The following RCL1 variants were observed in gnomAD, a reference collection of about 807,000 sequenced individuals.
The protein encoded by RCL1 is RNA 3'-terminal phosphate cyclase-like protein.
RCL1 carries 24 observed loss-of-function variants against 42.4 expected under a neutral mutation model. The ratio of observed to expected loss-of-function variants is 0.57; its 90% CI spans 0.41 to 0.80. The LOEUF (loss-of-function observed/expected upper bound fraction) is 0.80, where lower values mean the gene tolerates loss of function less well. Among genes scored for constraint, RCL1 ranks in the 30% least tolerant of loss-of-function variants. The pLI is 0.00. For missense variants in RCL1, 578 were observed against 467.9 expected, an observed-to-expected ratio of 1.24 and a Z score of -2.17; for synonymous variants, 228 against 177.3, an observed-to-expected ratio of 1.29 and a Z score of -2.27.
At chr9:4,851,911 C>T (rs1208849633) in intron 8 of RCL1, among the ~76,000 whole-genome samples, 7 of 104,902 alleles carry the variant, frequency 6.7e-5, no homozygotes, top group Non-Finnish European at 1.3e-4. Context: ...GACAGAGTTT[C>T]GCTCTGTCGC....
At chr9:4,802,932 TG>T (rs1226288383) in intron 1 of RCL1, among the ~76,000 whole-genome samples, 1 of 152,200 alleles carries the variant, frequency 6.6e-6, no homozygotes, top group Non-Finnish European at 1.5e-5. Flanking sequence ...GCAATCCTCT[TG>T]CCTCAGCCTC....
chr9:4,827,243 C>T, intron 3 of RCL1: 1 of 1,487,566 alleles, frequency 6.7e-7, no homozygotes. Context: ...TTAACAGTTA[C>T]CAAGGTGCCT....
chr9:4,820,619 T>C lies in RCL1; in HGVS notation c.137-2929T>C, dbSNP rs371557760. Among the ~76,000 whole-genome samples, 9 of 152,196 alleles carry C rather than the reference T, an allele frequency of 5.9e-5. No individual in the cohort carries two copies. The East Asian group carries it at 9.6e-4, about 16-fold the overall frequency. ...TTCTAATTTGTAAAAATCTGTGGGG[T>C]TTAATCTTAGGCTTTATTTGTAGGT... is the stretch of plus-strand genomic sequence containing the variant. On this transcript the variant is annotated intron_variant, in intron 1 of 8. Coordinates refer to ENST00000381750, the MANE Select transcript of RCL1 (RefSeq NM_005772.5).
intron 1 of RCL1, among the ~76,000 whole-genome samples, chr9:4,811,442 G>A (rs75777937): frequency 0.027 from 4,029 of 151,494 alleles, 147 homozygotes; most frequent in African/African-American, 0.089. Context: ...CCCTTTCCCC[G>A]CCTCTAGTAA....
At chr9:4,849,319 T>G in intron 7 of RCL1, 128 bp from the exon 8 acceptor site, 1 of 671,070 alleles carries the variant, frequency 1.5e-6, no homozygotes, top group Non-Finnish European at 2.6e-6. Flanking sequence ...AGACCTGTAT[T>G]CTGTTTTATT....
chr9:4,840,427 T>C (rs1034492631), intron 5 of RCL1, among the ~76,000 whole-genome samples: 1 of 152,186 alleles, frequency 6.6e-6, no homozygotes, highest in African/African-American at 2.4e-5. Context: ...CTTTGACATG[T>C]GTGGTTGGGG....
rs1458682819 is a variant in RCL1 at position 4,793,004 on chromosome 9, C to G, written c.-88C>G. On this transcript the variant is annotated 5_prime_UTR_variant, in exon 1 of 9. Transcript: ENST00000381750. ...CCCGAGCCGCCGCCGTCGGTGTCGCCGCCACCACCACCATCGGAGTCACGA... is the reference window on the plus strand; with the variant it reads ...CCCGAGCCGCCGCCGTCGGTGTCGCGGCCACCACCACCATCGGAGTCACGA... 2 of 1,457,928 alleles carry G rather than the reference C, an allele frequency of 1.4e-6. No homozygotes were observed. The highest frequency in any genetic ancestry group is 4.6e-5 in the Admixed American group (2 of 43,762). The allele number at this position is 1,457,928 out of a possible 1,614,324, so 90.3% of individuals were successfully genotyped here.
At chr9:4,806,034 G>GTGTGTGTA (rs1554636245) in intron 1 of RCL1, among the ~76,000 whole-genome samples, 2 of 142,460 alleles carry the variant, frequency 1.4e-5, no homozygotes, top group Non-Finnish European at 3.1e-5. Context: ...GTGTGTGTGT[G>GTGTGTGTA]TGTGTGTGTG....
At chr9:4,809,603 C>G (rs532910463) in intron 1 of RCL1, among the ~76,000 whole-genome samples, 109 of 152,268 alleles carry the variant, frequency 7.2e-4, no homozygotes, top group Middle Eastern at 6.8e-3. Flanking sequence ...CCACTGCACC[C>G]GGCCAAGACT....
intron 5 of RCL1, among the ~76,000 whole-genome samples, chr9:4,838,338 T>C (rs138239123): frequency 2.3e-3 from 355 of 152,302 alleles, no homozygotes; most frequent in African/African-American, 8.2e-3. Flanking sequence ...GACTACACAG[T>C]AGTTACCTTT....
chr9:4,798,928 G>A (rs1274189958), intron 1 of RCL1, among the ~76,000 whole-genome samples: 1 of 144,578 alleles, frequency 6.9e-6, no homozygotes, highest in African/African-American at 2.6e-5. Context: ...CTAATGACCA[G>A]TTTTCAGATA....
chr9:4,855,051 T>C (rs1314380723), intron 8 of RCL1, among the ~76,000 whole-genome samples: 2 of 66,112 alleles, frequency 3.0e-5, no homozygotes, highest in South Asian at 6.4e-4. Context: ...AGACTCCGTC[T>C]CAAAAAAAAA....
At chr9:4,846,482 G>C (rs1817517028) in intron 7 of RCL1, among the ~76,000 whole-genome samples, 4 of 152,160 alleles carry the variant, frequency 2.6e-5, no homozygotes, top group Admixed American at 2.6e-4. Context: ...GTGAAAAATG[G>C]GTAGTAACTA....
intron 5 of RCL1, among the ~76,000 whole-genome samples, chr9:4,834,634 C>G (rs144117323): frequency 1.9e-4 from 29 of 152,232 alleles, no homozygotes; most frequent in African/African-American, 5.5e-4. Context: ...TGAAAACACA[C>G]AGTTCTGATA....
chr9:4,801,831 C>G (rs1587692193), intron 1 of RCL1, among the ~76,000 whole-genome samples: 1 of 151,180 alleles, frequency 6.6e-6, no homozygotes, highest in South Asian at 2.1e-4. Flanking sequence ...ATCAGTTCAG[C>G]ATTTTTGTGT....
chr9:4,858,336 A>G (rs1278201751), intron 8 of RCL1, among the ~76,000 whole-genome samples: 8 of 152,168 alleles, frequency 5.3e-5, no homozygotes, highest in Non-Finnish European at 1.2e-4. Context: ...ACTTTGATGC[A>G]CAAAGTATTT....
chr9:4,810,266 C>T (rs1415522031), intron 1 of RCL1, among the ~76,000 whole-genome samples: 7 of 152,102 alleles, frequency 4.6e-5, no homozygotes, highest in Admixed American at 2.0e-4. Context: ...TTACTGTGGA[C>T]ATACCGATGT....
chr9:4,824,682 G>T (rs1329755087), intron 2 of RCL1, among the ~76,000 whole-genome samples: 1 of 151,872 alleles, frequency 6.6e-6, no homozygotes. Context: ...CCCTATCTTG[G>T]CTCTCTTAAG....
At chr9:4,795,230 A>G (rs890407382) in intron 1 of RCL1, among the ~76,000 whole-genome samples, 1 of 151,900 alleles carries the variant, frequency 6.6e-6, no homozygotes, top group Non-Finnish European at 1.5e-5. Context: ...GGTGCCTGCC[A>G]CCATGCCCAG....
Sources: allele counts gnomAD v4.1 joint callset (sites outside exome capture counted in the v4.1 genomes callset), GRCh38; gene constraint gnomAD v4.1.1; transcripts MANE v1.5; gene names NCBI Gene and HGNC (gene_info 2026-07-23, HGNC 2026-07-21).